The following CDH13 variants were observed in gnomAD, a reference collection of about 807,000 sequenced individuals.
CDH13 encodes cadherin 13, also known as cadherin-13.
In CDH13, 24 loss-of-function variants were observed where a neutral mutation model predicts 63.8. The observed-to-expected ratio is 0.38, with a 90% CI of 0.27 to 0.53. The LOEUF is 0.53. CDH13 is among the 20% of genes least tolerant of loss of function. The pLI, the probability that CDH13 is intolerant of heterozygous loss-of-function variation, is 0.85. For synonymous variants in CDH13, 503 were observed against 355.3 expected (o/e 1.42, Z -4.67); for missense variants, 1,049 against 903.1 (o/e 1.16, Z -2.07).
intron 10 of CDH13, among the ~76,000 whole-genome samples, chr16:83,706,481 C>G (rs1423926618): frequency 1.3e-5 from 2 of 152,272 alleles, no homozygotes; most frequent in Non-Finnish European, 1.5e-5. Context: ...GAAGAGAGAA[C>G]AGATTGGGAA....
At chr16:82,658,949 T>C (rs530223040) in intron 1 of CDH13, among the ~76,000 whole-genome samples, 14 of 152,328 alleles carry the variant, frequency 9.2e-5, no homozygotes, top group African/African-American at 3.1e-4. Flanking sequence ...TCTCAGACTA[T>C]TGTGAGCATA....
At chr16:83,025,145 C>G (rs983015803) in intron 2 of CDH13, among the ~76,000 whole-genome samples, 5 of 152,192 alleles carry the variant, frequency 3.3e-5, no homozygotes, top group East Asian at 3.9e-4. Flanking sequence ...CATGGAGCAA[C>G]AAGCTCTGTC....
At chr16:83,225,055 G>C (rs1226976734) in intron 5 of CDH13, among the ~76,000 whole-genome samples, 1 of 152,170 alleles carries the variant, frequency 6.6e-6, no homozygotes, top group Non-Finnish European at 1.5e-5. Context: ...ACTTGTTAGA[G>C]ATGTAAATTG....
At chr16:82,708,332 T>G (rs913265414) in intron 1 of CDH13, among the ~76,000 whole-genome samples, 3 of 151,758 alleles carry the variant, frequency 2.0e-5, no homozygotes, top group Admixed American at 1.3e-4. Context: ...CCACAGGGAG[T>G]TACTATAAAA....
chr16:83,175,456 A>C (rs1275387607), intron 4 of CDH13, among the ~76,000 whole-genome samples: 2 of 152,054 alleles, frequency 1.3e-5, no homozygotes, highest in African/African-American at 4.8e-5. Flanking sequence ...AGACTGGGGA[A>C]GAGGAAGGGA....
intron 7 of CDH13, among the ~76,000 whole-genome samples, chr16:83,564,516 C>T (rs1470231487): frequency 1.3e-5 from 2 of 150,472 alleles, no homozygotes; most frequent in African/African-American, 2.4e-5. Flanking sequence ...TCAAGTGATT[C>T]TCCTGCCTCA....
At chr16:83,125,330 C>A (rs771045815) in intron 3 of CDH13, 55 bp from the exon 4 acceptor site, 8 of 953,142 alleles carry the variant, frequency 8.4e-6, no homozygotes, top group Non-Finnish European at 1.3e-5. Context: ...TCGGAGCAGA[C>A]TGATACATCA....
chr16:83,583,953 A>T (rs577757588), intron 7 of CDH13, among the ~76,000 whole-genome samples: 9 of 152,192 alleles, frequency 5.9e-5, no homozygotes, highest in African/African-American at 2.2e-4. Flanking sequence ...TTAAAAAAGC[A>T]GAGCTGAGAT....
intron 1 of CDH13, among the ~76,000 whole-genome samples, chr16:82,687,348 C>G (rs147710193): frequency 6.6e-6 from 1 of 152,236 alleles, no homozygotes; most frequent in Non-Finnish European, 1.5e-5. Flanking sequence ...AGCTGGAGGA[C>G]AACTTTACTG....
chr16:83,728,342 C>CGTGTGT (rs145865689), intron 10 of CDH13, among the ~76,000 whole-genome samples: 32 of 149,322 alleles, frequency 2.1e-4, no homozygotes, highest in African/African-American at 5.2e-4. Context: ...TATGTGTGTG[C>CGTGTGT]GTGTGTGTGT....
chr16:83,306,726 C>T (rs1262518094), intron 5 of CDH13, among the ~76,000 whole-genome samples: 2 of 152,064 alleles, frequency 1.3e-5, no homozygotes, highest in East Asian at 1.9e-4. Context: ...TAGGTGAGGG[C>T]TGGATTATGA....
chr16:83,372,799 T>C (rs2091396185), intron 6 of CDH13, among the ~76,000 whole-genome samples: 1 of 146,586 alleles, frequency 6.8e-6, no homozygotes, highest in Non-Finnish European at 1.5e-5. Flanking sequence ...CGACAACTCA[T>C]CTCTGCATCT....
At chr16:82,789,757 T>C (rs2036197295) in intron 1 of CDH13, among the ~76,000 whole-genome samples, 1 of 152,236 alleles carries the variant, frequency 6.6e-6, no homozygotes, top group East Asian at 1.9e-4. Flanking sequence ...TAATTTCTTC[T>C]TGCTCCAAGA....
At chr16:83,568,896 C>G (rs1395494455) in intron 7 of CDH13, among the ~76,000 whole-genome samples, 4 of 152,132 alleles carry the variant, frequency 2.6e-5, no homozygotes, top group Non-Finnish European at 5.9e-5. Context: ...ATTGCAGAGT[C>G]TCAGAACTGC....
intron 6 of CDH13, among the ~76,000 whole-genome samples, chr16:83,468,748 C>T (rs1185506952): frequency 1.3e-5 from 2 of 152,166 alleles, no homozygotes; most frequent in African/African-American, 4.8e-5. Flanking sequence ...AAATCATCGT[C>T]CTGTGTAAAG....
intron 5 of CDH13, among the ~76,000 whole-genome samples, chr16:83,245,191 C>A (rs1904868485): frequency 6.6e-6 from 1 of 151,880 alleles, no homozygotes; most frequent in Admixed American, 6.6e-5. Flanking sequence ...GCTTTCTTTA[C>A]CTCTGGACTC....
intron 5 of CDH13, among the ~76,000 whole-genome samples, chr16:83,235,399 TTA>T (rs1168288196): frequency 2.0e-5 from 3 of 152,080 alleles, no homozygotes; most frequent in African/African-American, 7.2e-5. Flanking sequence ...GAAAGCCCTA[TTA>T]TGTGAGCCTT....
rs577045388 is a variant in CDH13 at position 83,511,024 on chromosome 16, A to G, written c.960+24369A>G. Reference sequence around the variant, plus strand: ...TATTACCATCTTCCCACACACATACACGGACACGCACGCATGCACACGTGT... The same window carrying G: ...TATTACCATCTTCCCACACACATACGCGGACACGCACGCATGCACACGTGT... On this transcript the variant is annotated intron_variant, in intron 7 of 13. Transcript: ENST00000567109. Among the ~76,000 whole-genome samples, 4 of 152,348 alleles carry G rather than the reference A, an allele frequency of 2.6e-5. No individual in the cohort carries two copies. In the South Asian group the frequency reaches 8.3e-4, roughly 32 times the overall value.
intron 4 of CDH13, among the ~76,000 whole-genome samples, chr16:83,213,125 C>T (rs778564280): frequency 7.2e-5 from 11 of 152,126 alleles, no homozygotes; most frequent in Non-Finnish European, 1.5e-4. Flanking sequence ...CAGTGCTAAG[C>T]TGGGGCCCTC....
Sources: allele counts gnomAD v4.1 joint callset (sites outside exome capture counted in the v4.1 genomes callset), GRCh38; gene constraint gnomAD v4.1.1; transcripts MANE v1.5; gene names NCBI Gene and HGNC (gene_info 2026-07-23, HGNC 2026-07-21).